Variants in ASCC3 observed in about 807,000 individuals in gnomAD.
ASCC3 encodes ASC-1 complex subunit P200.
A neutral mutation model predicts 256.3 loss-of-function variants in ASCC3; 158 were observed. The ratio of observed to expected loss-of-function variants is 0.62; its 90% CI spans 0.54 to 0.70. ASCC3 has a LOEUF of 0.70. Among genes scored for constraint, ASCC3 ranks in the 30% least tolerant of loss-of-function variants. The probability of loss-of-function intolerance (pLI) is 0.00; values close to 1 mark genes in which losing one functional copy is unlikely to be tolerated. For synonymous variants in ASCC3, 948 were observed against 883.4 expected (o/e 1.07, Z -1.30); for missense variants, 2,259 against 2,626.0 (o/e 0.86, Z 3.05).
chr6:100,516,623 T>C (rs1020443287), intron 38 of ASCC3, among the ~76,000 whole-genome samples: 6 of 152,176 alleles, frequency 3.9e-5, no homozygotes, highest in Non-Finnish European at 2.9e-5. Context: ...AATGCTTCCA[T>C]GTAGATGAAG....
intron 34 of ASCC3, 68 bp downstream of exon 34, chr6:100,601,742 T>A (rs935602128): frequency 4.4e-6 from 7 of 1,575,004 alleles, no homozygotes; most frequent in Non-Finnish European, 6.1e-6. Flanking sequence ...TAATTTGGAG[T>A]TTATTACTTT....
intron 36 of ASCC3, among the ~76,000 whole-genome samples, chr6:100,576,012 T>C (rs1264273261): frequency 3.3e-5 from 5 of 152,044 alleles, no homozygotes; most frequent in African/African-American, 1.2e-4. Context: ...AAAATGTCCT[T>C]TTCCCTCAGG....
chr6:100,594,828 T>C (rs929913484), intron 34 of ASCC3, among the ~76,000 whole-genome samples: 2 of 152,104 alleles, frequency 1.3e-5, no homozygotes, highest in African/African-American at 2.4e-5. Flanking sequence ...AAATATGGTG[T>C]ATATATACAC....
Position 100,794,830 on chromosome 6 carries a change from T to A in ASCC3, c.1395+3883A>T, listed in dbSNP as rs116166924. 6.1e-3 allele frequency among the ~76,000 whole-genome samples: 925 copies of A among 152,128 alleles called. 13 individuals are homozygous for A. Among genetic ancestry groups the A allele is most frequent in the African/African-American group, 0.021 (877 of 41,538 alleles). ...TGCTGAATAACACCCTACTGACTCT[T>A]AAAAAATCTAAGTCCTAACTGTGGA... On this transcript the variant is annotated intron_variant, in intron 8 of 41. Coordinates refer to ENST00000369162, the MANE Select transcript of ASCC3 (RefSeq NM_006828.4).
chr6:100,692,276 T>C (rs1032630568), intron 13 of ASCC3, among the ~76,000 whole-genome samples: 1 of 152,106 alleles, frequency 6.6e-6, no homozygotes, highest in Non-Finnish European at 1.5e-5. Flanking sequence ...TGGTTTTTCA[T>C]GGTTTGACAC....
intron 28 of ASCC3, 25 bp from the exon 29 acceptor site, chr6:100,627,735 C>A (rs1372055378): frequency 3.1e-6 from 5 of 1,611,838 alleles, no homozygotes; most frequent in Non-Finnish European, 3.4e-6. Flanking sequence ...AGAGAGAAAC[C>A]ATTTTCAATT....
intron 40 of ASCC3, 132 bp downstream of exon 40, chr6:100,512,577 C>T (rs562557443): frequency 1.9e-5 from 18 of 942,892 alleles, no homozygotes; most frequent in South Asian, 6.8e-5. Flanking sequence ...GACTAACTCT[C>T]GCTGCTTAAG....
At chr6:100,682,924 A>T (rs909015319) in intron 13 of ASCC3, among the ~76,000 whole-genome samples, 1 of 152,162 alleles carries the variant, frequency 6.6e-6, no homozygotes, top group African/African-American at 2.4e-5. Context: ...CCTCCCTTAA[A>T]GCCAGCTGAG....
intron 8 of ASCC3, among the ~76,000 whole-genome samples, chr6:100,777,570 C>A (rs566819033): frequency 3.3e-5 from 5 of 152,054 alleles, no homozygotes; most frequent in Non-Finnish European, 5.9e-5. Flanking sequence ...TGAGACATAA[C>A]AGTTACCTTA....
chr6:100,669,325 C>A (rs887745911), intron 14 of ASCC3, among the ~76,000 whole-genome samples: 1 of 148,822 alleles, frequency 6.7e-6, no homozygotes, highest in Admixed American at 6.7e-5. Flanking sequence ...CATATATACA[C>A]TATATATATA....
At chr6:100,608,983 C>G (rs1373435553) in intron 30 of ASCC3, among the ~76,000 whole-genome samples, 2 of 149,688 alleles carry the variant, frequency 1.3e-5, no homozygotes, top group Non-Finnish European at 3.0e-5. Context: ...AGGATGGTCT[C>G]GATCTCCTGG....
At chr6:100,806,204 C>T (rs2114366132) in intron 4 of ASCC3, among the ~76,000 whole-genome samples, 1 of 152,098 alleles carries the variant, frequency 6.6e-6, no homozygotes, top group South Asian at 2.1e-4. Context: ...TGCTCTTCAA[C>T]ATATCATTCT....
intron 18 of ASCC3, among the ~76,000 whole-genome samples, 156 bp from the exon 19 acceptor site, chr6:100,651,802 A>G (rs1001489148): frequency 6.6e-6 from 1 of 152,000 alleles, no homozygotes; most frequent in African/African-American, 2.4e-5. Flanking sequence ...ACTGCTTTAT[A>G]AACATCAACA....
At chr6:100,605,795 A>G in intron 32 of ASCC3, 95 bp from the exon 33 acceptor site, 1 of 1,362,374 alleles carries the variant, frequency 7.3e-7, no homozygotes, top group Non-Finnish European at 1.0e-6. Flanking sequence ...CAACCAAATA[A>G]CAAAAGAAAT....
intron 4 of ASCC3, among the ~76,000 whole-genome samples, chr6:100,812,664 T>C (rs1299940546): frequency 1.3e-5 from 2 of 152,214 alleles, no homozygotes. Context: ...GAATGGCGGC[T>C]CCTACCTGTG....
intron 4 of ASCC3, among the ~76,000 whole-genome samples, chr6:100,817,666 T>C (rs1770821429): frequency 1.3e-5 from 2 of 152,124 alleles, no homozygotes; most frequent in Admixed American, 6.6e-5. Context: ...ATATATTATA[T>C]ACATTAGATG....
rs773227762 is a variant in ASCC3, at chr6:100,708,903, G to A, written c.2151+6559C>T. Among the ~76,000 whole-genome samples, 7 of 151,594 alleles carry A rather than the reference G, an allele frequency of 4.6e-5. No homozygotes were observed. The East Asian group carries it at 1.2e-3, about 25-fold the overall frequency. ...ATCCAAACCAATACATGAACAAATCGTGTGCAATACATGTGTTATTGCAAT... is the reference window on the plus strand; with the variant it reads ...ATCCAAACCAATACATGAACAAATCATGTGCAATACATGTGTTATTGCAAT... On this transcript the variant is annotated intron_variant, in intron 13 of 41. Coordinates refer to ENST00000369162, the MANE Select transcript of ASCC3 (RefSeq NM_006828.4).
intron 10 of ASCC3, among the ~76,000 whole-genome samples, chr6:100,752,144 T>C (rs2115095890): frequency 6.6e-6 from 1 of 152,294 alleles, no homozygotes; most frequent in African/African-American, 2.4e-5. Context: ...TGGATTTTAT[T>C]ACCTGCATTA....
At chr6:100,635,440 G>A (rs1161612540) in intron 25 of ASCC3, among the ~76,000 whole-genome samples, 2 of 152,044 alleles carry the variant, frequency 1.3e-5, no homozygotes, top group Non-Finnish European at 2.9e-5. Context: ...GGTGAGGATG[G>A]GGGAATGAGG....
Sources: allele counts gnomAD v4.1 joint callset (sites outside exome capture counted in the v4.1 genomes callset), GRCh38; gene constraint gnomAD v4.1.1; transcripts MANE v1.5; gene names NCBI Gene and HGNC (gene_info 2026-07-23, HGNC 2026-07-21).